Variants in VTI1B observed in about 807,000 individuals in gnomAD.
VTI1B encodes the protein vesicle transport through interaction with t-SNAREs 1B.
Under a neutral mutation model 28.6 loss-of-function variants are expected in VTI1B, and 18 were observed. The observed-to-expected ratio is 0.63, with a 90% CI of 0.43 to 0.93. VTI1B has a LOEUF of 0.93. Among genes scored for constraint, VTI1B ranks in the 40% least tolerant of loss-of-function variants. The pLI, the probability that VTI1B is intolerant of heterozygous loss-of-function variation, is 0.00. For missense variants in VTI1B, 283 were observed against 297.0 expected (o/e 0.95, Z 0.35); for synonymous variants, 100 against 107.9 (o/e 0.93, Z 0.46).
In VTI1B at chr14:67,648,154, T is replaced by C; in HGVS notation, c.*3231A>G. ...GGGGGACTAACCTATCGAGAAGGCA[T>C]GTATATTGCTGAGGAAATACACAAT... On this transcript the variant is annotated 3_prime_UTR_variant, in exon 6 of 6. Transcript: ENST00000554659. 2 of 1,614,030 alleles carry C rather than the reference T, an allele frequency of 1.2e-6. No individual in the cohort carries two copies. Among genetic ancestry groups the C allele is most frequent in the Non-Finnish European group, 1.7e-6 (2 of 1,179,908 alleles).
intron 1 of VTI1B, among the ~76,000 whole-genome samples, chr14:67,674,124 T>G (rs2037502887): frequency 1.3e-5 from 2 of 152,178 alleles, no homozygotes; most frequent in Non-Finnish European, 2.9e-5. Flanking sequence ...CTCTGCTCTA[T>G]TTGCCACAGT....
Position 67,659,804 on chromosome 14 carries a change from G to A in VTI1B, c.293C>T (p.Thr98Ile). The change falls in exon 3 of 6, where the codon ACA (threonine) becomes ATA (isoleucine). Residue 98 changes from threonine (T) to isoleucine (I), a missense_variant. Coordinates refer to ENST00000554659, the MANE Select transcript of VTI1B (RefSeq NM_006370.3). The part of the protein sequence containing the change: ...LAKLHREVRS[T>I]PLTATPGGRG... ...GCCTCCAGGTGTGGCTGTCAAAGGT[G>A]TGCTTCTCACCTCCCGATGGAGTTT... is the stretch of plus-strand genomic sequence containing the variant. 1 of 1,614,098 alleles carries A rather than the reference G, an allele frequency of 6.2e-7. No individual in the cohort carries two copies. Among genetic ancestry groups the A allele is most frequent in the Admixed American group, 1.7e-5 (1 of 60,014 alleles).
intron 5 of VTI1B, 22 bp downstream of exon 5, chr14:67,653,415 T>G (rs540499145): frequency 1.2e-6 from 2 of 1,610,586 alleles, no homozygotes; most frequent in Admixed American, 1.7e-5. Context: ...AAGAGAAATT[T>G]CATGACTTTA....
chr14:67,651,367 A>G lies in VTI1B; in HGVS notation c.*18T>C. ...ACAAGGTCAAAGTTCTGGTCCACAA[A>G]CCCTTCCCTATAGAAGTTCAATGGC... On this transcript the variant is annotated 3_prime_UTR_variant, in exon 6 of 6. Transcript: ENST00000554659. The G allele has an allele frequency of 1.2e-6, 2 of 1,613,282 alleles. No homozygotes were observed. Among genetic ancestry groups the G allele is most frequent in the Non-Finnish European group, 1.7e-6 (2 of 1,179,482 alleles).
rs978846922 is a variant in VTI1B, at chr14:67,674,564, C to T, written c.-75G>A. 5.9e-6 allele frequency: 8 copies of T among 1,352,522 alleles called. No individual in the cohort carries two copies. The African/African-American group carries it at 1.2e-4, about 20-fold the overall frequency. The allele number at this position is 1,352,522 out of a possible 1,614,324, so 83.8% of individuals were successfully genotyped here. On this transcript the variant is annotated 5_prime_UTR_variant, in exon 1 of 6. Transcript: ENST00000554659. The stretch of plus-strand genomic sequence containing the variant: ...CCTTTCCTAGCCCGGCGGTCAGCCG[C>T]CCAGCCCAGTGGCCATAACGGCGAC...
intron 1 of VTI1B, chr14:67,663,319 T>G: frequency 1.6e-6 from 1 of 629,156 alleles, no homozygotes; most frequent in Non-Finnish European, 2.6e-6. Flanking sequence ...CAAGTTTCAT[T>G]TTTAAATAAC....
In VTI1B at chr14:67,648,244, G is replaced by T; in HGVS notation, c.*3141C>A. 6.5e-7 allele frequency: 1 copy of T among 1,530,838 alleles called. No homozygotes were observed. Among genetic ancestry groups the T allele is most frequent in the East Asian group, 2.3e-5 (1 of 43,470 alleles). 94.8% of individuals were successfully genotyped at this position (1,530,838 alleles called of 1,614,324 possible). ...ATAGGTAAATATGCTAGAGTCTCTTGCCTGCAAAGGATCTTTTCTGCTATT... is the reference window on the plus strand; with the variant it reads ...ATAGGTAAATATGCTAGAGTCTCTTTCCTGCAAAGGATCTTTTCTGCTATT... On this transcript the variant is annotated 3_prime_UTR_variant, in exon 6 of 6. Coordinates refer to ENST00000554659, the MANE Select transcript of VTI1B (RefSeq NM_006370.3).
At chr14:67,657,507 A>T (rs1475377028) in intron 3 of VTI1B, among the ~76,000 whole-genome samples, 1 of 152,144 alleles carries the variant, frequency 6.6e-6, no homozygotes, top group African/African-American at 2.4e-5. Flanking sequence ...AGCAGGAAGA[A>T]AAAAGTAGCC....
chr14:67,666,629 T>A (rs2037405248), intron 1 of VTI1B, among the ~76,000 whole-genome samples: 1 of 152,214 alleles, frequency 6.6e-6, no homozygotes, highest in East Asian at 1.9e-4. Context: ...TTCTTTAGGC[T>A]CAGAATTATG....
Position 67,659,818 on chromosome 14 carries a change from C to T in VTI1B, c.279G>A (p.Arg93=), listed in dbSNP as rs1431599503. The change falls in exon 3 of 6, where the codon CGG becomes CGA. Residue 93 remains arginine, a synonymous_variant. Transcript: ENST00000554659. ...NYRKDLAKLH[R]EVRSTPLTAT... ...CTGTCAAAGGTGTGCTTCTCACCTC[C>T]CGATGGAGTTTAGCAAGGTCCTTCC... The T allele has an allele frequency of 6.2e-7, 1 of 1,614,144 alleles. No individual in the cohort carries two copies. The highest frequency in any genetic ancestry group is 8.5e-7 in the Non-Finnish European group (1 of 1,180,026).
chr14:67,660,238 G>A (rs1424711289), intron 2 of VTI1B: 1 of 181,902 alleles, frequency 5.5e-6, no homozygotes, highest in Non-Finnish European at 1.1e-5. Flanking sequence ...CAATAAGGTA[G>A]GAAATGCTCC....
intron 1 of VTI1B, among the ~76,000 whole-genome samples, chr14:67,670,115 G>A (rs369768701): frequency 1.3e-5 from 2 of 152,090 alleles, no homozygotes; most frequent in Non-Finnish European, 2.9e-5. Context: ...ACAAATTCCC[G>A]TTAGCAAGGT....
intron 1 of VTI1B, among the ~76,000 whole-genome samples, chr14:67,669,445 T>C (rs2037440575): frequency 1.3e-5 from 2 of 151,572 alleles, no homozygotes; most frequent in South Asian, 4.2e-4. Flanking sequence ...GCTTTTTTTT[T>C]TTTGTAGAGA....
chr14:67,669,139 T>C (rs559932577), intron 1 of VTI1B, among the ~76,000 whole-genome samples: 1 of 152,162 alleles, frequency 6.6e-6, no homozygotes, highest in Non-Finnish European at 1.5e-5. Context: ...GAAAAACTAA[T>C]TGGGTTAAAG....
chr14:67,660,491 T>C lies in VTI1B; in HGVS notation c.175-569A>G, dbSNP rs200506163. On this transcript the variant is annotated intron_variant, in intron 2 of 5. Coordinates refer to ENST00000554659, the MANE Select transcript of VTI1B (RefSeq NM_006370.3). Reference sequence around the variant, plus strand: ...AGCTCTCTTCAATATACCAAGTTTTTAGCCTGGTATGATTGAACATTGCCA... The same window carrying C: ...AGCTCTCTTCAATATACCAAGTTTTCAGCCTGGTATGATTGAACATTGCCA... Among the ~76,000 whole-genome samples the C allele has an allele frequency of 1.9e-4, 29 of 152,324 alleles. No individual in the cohort carries two copies. The East Asian group carries it at 5.4e-3, about 28-fold the overall frequency.
At chr14:67,661,618 G>A (rs1416635750) in intron 2 of VTI1B, among the ~76,000 whole-genome samples, 1 of 139,016 alleles carries the variant, frequency 7.2e-6, no homozygotes, top group Non-Finnish European at 1.5e-5. Context: ...CCACATGCTT[G>A]ACCTCCCAGG....
intron 1 of VTI1B, among the ~76,000 whole-genome samples, chr14:67,663,473 A>C (rs959196389): frequency 6.6e-6 from 1 of 152,038 alleles, no homozygotes; most frequent in African/African-American, 2.4e-5. Context: ...GGAGATCGAG[A>C]CCATCCTGCC....
At chr14:67,666,983 G>A (rs2037409301) in intron 1 of VTI1B, among the ~76,000 whole-genome samples, 1 of 152,152 alleles carries the variant, frequency 6.6e-6, no homozygotes, top group African/African-American at 2.4e-5. Flanking sequence ...CAAACAGCAA[G>A]GTGGCATCCT....
rs746812604 is a variant in VTI1B, at chr14:67,656,383, T to A, written c.540+33A>T. On this transcript the variant is annotated intron_variant, in intron 4 of 5. Coordinates refer to ENST00000554659, the MANE Select transcript of VTI1B (RefSeq NM_006370.3). ...GTGCAGTGGCCCCCTAATTACCCCA[T>A]ACTTGCCCCTTTCCCTGTCTGCCCA... 20 of 1,549,284 alleles carry A rather than the reference T, an allele frequency of 1.3e-5. No individual in the cohort carries two copies. In the African/African-American group the frequency reaches 2.6e-4, roughly 20 times the overall value.
Sources: gnomAD v4.1 joint callset for allele counts (sites outside exome capture counted in the v4.1 genomes callset) on GRCh38, gnomAD v4.1.1 for gene constraint, MANE v1.5 for transcripts, NCBI Gene and HGNC (gene_info 2026-07-23, HGNC 2026-07-21) for gene names.